Variants in GAB2 observed in about 807,000 individuals in gnomAD.
The protein encoded by GAB2 is GRB2 associated binding protein 2.
Under a neutral mutation model 65.5 loss-of-function variants are expected in GAB2, and 26 were observed. That is an observed-to-expected ratio of 0.40 (90% CI 0.29 to 0.55). The LOEUF (loss-of-function observed/expected upper bound fraction) is 0.55. Ranked by LOEUF, GAB2 falls within the 20% of genes least tolerant of loss-of-function variation. The pLI is 0.53. For missense variants in GAB2, 884 were observed against 875.8 expected (o/e 1.01, Z -0.12); for synonymous variants, 321 against 329.6 (o/e 0.97, Z 0.28).
chr11:78,270,077 T>A (rs1004408817), intron 2 of GAB2, among the ~76,000 whole-genome samples: 1 of 152,216 alleles, frequency 6.6e-6, no homozygotes, highest in African/African-American at 2.4e-5. Flanking sequence ...CAGATAGCAC[T>A]GAGCACTTTG....
intron 1 of GAB2, among the ~76,000 whole-genome samples, chr11:78,343,392 G>A (rs1856130688): frequency 6.9e-6 from 1 of 144,126 alleles, no homozygotes; most frequent in Non-Finnish European, 1.5e-5. Flanking sequence ...GAGAGGGAGA[G>A]AGGGAGGGAG....
intron 1 of GAB2, among the ~76,000 whole-genome samples, chr11:78,336,571 G>A (rs1409394972): frequency 1.3e-5 from 2 of 151,166 alleles, no homozygotes; most frequent in Admixed American, 6.6e-5. Flanking sequence ...CCTGGGAGGA[G>A]GGATAATTAA....
chr11:78,229,507 T>C (rs978836964), intron 3 of GAB2, among the ~76,000 whole-genome samples: 2 of 152,076 alleles, frequency 1.3e-5, no homozygotes, highest in Non-Finnish European at 2.9e-5. Context: ...CTGGAACTCT[T>C]CTCCTCCTGC....
At chr11:78,348,061 A>G (rs150729630) in intron 1 of GAB2, among the ~76,000 whole-genome samples, 164 of 152,304 alleles carry the variant, frequency 1.1e-3, no homozygotes, top group African/African-American at 3.8e-3. Flanking sequence ...GATTAAGTGG[A>G]AGTGGATCAT....
At chr11:78,358,439 T>TATAATAGTAATA (rs1554993730) in intron 1 of GAB2, among the ~76,000 whole-genome samples, 8 of 117,314 alleles carry the variant, frequency 6.8e-5, no homozygotes, top group African/African-American at 2.6e-4. Context: ...GAACTTAAAA[T>TATAATAGTAATA]ATAATAATAA....
At chr11:78,387,674 T>A (rs937436991) in intron 1 of GAB2, among the ~76,000 whole-genome samples, 1 of 152,166 alleles carries the variant, frequency 6.6e-6, no homozygotes, top group African/African-American at 2.4e-5. Flanking sequence ...GGAATCACAA[T>A]GGACTAAGGA....
rs1007892100 is a variant in GAB2, at chr11:78,216,644, G to C, written c.*2628C>G. The stretch of plus-strand genomic sequence containing the variant: ...ATAGGGGGCTGGAAGGAAGCCTCCT[G>C]GGAGATTCGATTTGAACACCTCAGT... On this transcript the variant is annotated 3_prime_UTR_variant, in exon 10 of 10. Coordinates refer to ENST00000361507, the MANE Select transcript of GAB2 (RefSeq NM_080491.3). 6.6e-6 allele frequency: 1 copy of C among 152,082 alleles called. No individual in the cohort carries two copies. The highest frequency in any genetic ancestry group is 1.5e-5 in the Non-Finnish European group (1 of 68,046). The allele number at this position is 152,082 out of a possible 1,614,324, so 9.4% of individuals were successfully genotyped here. A position where few individuals can be genotyped will look rare whatever the true frequency, so the allele number is the denominator to read the frequency against.
At chr11:78,337,604 T>C (rs572808565) in intron 1 of GAB2, among the ~76,000 whole-genome samples, 1 of 152,136 alleles carries the variant, frequency 6.6e-6, no homozygotes, top group Non-Finnish European at 1.5e-5. Context: ...ATAAAAGTCT[T>C]CCCTCATAGA....
At position 78,267,857 on chromosome 11, in the gene GAB2, C is replaced by CAAAAA. The variant is rs751533828; in HGVS notation, c.376+12739_376+12743dup. 3.7e-3 allele frequency among the ~76,000 whole-genome samples: 121 copies of CAAAAA among 32,756 alleles called. 8 individuals carry two copies. The highest frequency in any genetic ancestry group is 9.3e-3 in the African/African-American group (96 of 10,308). The allele number at this position is 32,756 out of a possible 152,430, so 21.5% of individuals were successfully genotyped here. A position where few individuals can be genotyped will look rare whatever the true frequency, so the allele number is the denominator to read the frequency against. Reference sequence around the variant, plus strand: ...TGGGTGATAGAGCGAGACTCCGTCTCAAAAAAAAAAAAAAAAAAAAAAAAG... The same window carrying CAAAAA: ...TGGGTGATAGAGCGAGACTCCGTCTCAAAAAAAAAAAAAAAAAAAAAAAAAAAAAG... On this transcript the variant is annotated intron_variant, in intron 2 of 9. Transcript: ENST00000361507.
In GAB2 at chr11:78,217,321, G is replaced by GA. The variant is rs2134443837; in HGVS notation, c.*1950dup. 6.6e-6 allele frequency: 1 copy of GA among 152,338 alleles called. No individual in the cohort carries two copies. Among genetic ancestry groups the GA allele is most frequent in the Non-Finnish European group, 1.5e-5 (1 of 68,052 alleles). 9.4% of individuals were successfully genotyped at this position (152,338 alleles called of 1,614,324 possible). A position where few individuals can be genotyped will look rare whatever the true frequency, so the allele number is the denominator to read the frequency against. On this transcript the variant is annotated 3_prime_UTR_variant, in exon 10 of 10. Coordinates refer to ENST00000361507, the MANE Select transcript of GAB2 (RefSeq NM_080491.3). ...CTTGTGTCCTTAGTGCTTAACCCCA[G>GA]AAACTGGAGACAGCAGCCATTAATA...
chr11:78,323,718 A>C (rs1452538088), intron 1 of GAB2, among the ~76,000 whole-genome samples: 1 of 151,782 alleles, frequency 6.6e-6, no homozygotes, highest in Non-Finnish European at 1.5e-5. Flanking sequence ...GACAGGATCA[A>C]TAGAAGCCCA....
chr11:78,263,459 C>T (rs1457669152), intron 2 of GAB2, among the ~76,000 whole-genome samples: 1 of 151,858 alleles, frequency 6.6e-6, no homozygotes, highest in South Asian at 2.1e-4. Context: ...CGGTGAAACC[C>T]CATCTCTACT....
chr11:78,336,669 G>A (rs1021653011), intron 1 of GAB2, among the ~76,000 whole-genome samples: 3 of 151,990 alleles, frequency 2.0e-5, no homozygotes, highest in Non-Finnish European at 2.9e-5. Context: ...GTCTATGGAT[G>A]TCTACACATT....
intron 1 of GAB2, among the ~76,000 whole-genome samples, chr11:78,390,293 C>A (rs1355082001): frequency 6.6e-6 from 1 of 152,186 alleles, no homozygotes. Context: ...ACTAGGTCAA[C>A]CCAACTTATA....
chr11:78,329,665 G>C (rs1440936410), intron 1 of GAB2, among the ~76,000 whole-genome samples: 1 of 152,210 alleles, frequency 6.6e-6, no homozygotes, highest in Admixed American at 6.5e-5. Context: ...GAAATGTGAA[G>C]ATTTCCCACA....
rs1864246516 is a variant in GAB2, at chr11:78,218,207, A to T, written c.*1065T>A. 6.5e-6 allele frequency: 1 copy of T among 153,866 alleles called. No homozygotes were observed. Among genetic ancestry groups the T allele is most frequent in the Non-Finnish European group, 1.4e-5 (1 of 69,216 alleles). 9.5% of individuals were successfully genotyped at this position (153,866 alleles called of 1,614,324 possible). Reference sequence around the variant, plus strand: ...AACTCACTTCCCGACCCCACTGCAGAGTCCCCTGCACTGCCCTGTGCCTCT... The same window carrying T: ...AACTCACTTCCCGACCCCACTGCAGTGTCCCCTGCACTGCCCTGTGCCTCT... On this transcript the variant is annotated 3_prime_UTR_variant, in exon 10 of 10. Transcript: ENST00000361507.
chr11:78,261,369 G>C (rs1398345836), intron 2 of GAB2, among the ~76,000 whole-genome samples: 3 of 152,146 alleles, frequency 2.0e-5, no homozygotes, highest in African/African-American at 7.2e-5. Context: ...AGTTCTGTTG[G>C]AATCTTTCCT....
chr11:78,227,613 A>G (rs572591796), intron 3 of GAB2, among the ~76,000 whole-genome samples: 5 of 138,796 alleles, frequency 3.6e-5, no homozygotes, highest in African/African-American at 1.1e-4. Context: ...TGGGAACACA[A>G]TAAGACTCCA....
At chr11:78,364,280 T>C (rs371210118) in intron 1 of GAB2, among the ~76,000 whole-genome samples, 8 of 152,260 alleles carry the variant, frequency 5.3e-5, no homozygotes, top group East Asian at 3.9e-4. Flanking sequence ...ACTGAGAATA[T>C]AGGCATGAAC....
Sources: allele counts gnomAD v4.1 joint callset (sites outside exome capture counted in the v4.1 genomes callset), GRCh38; gene constraint gnomAD v4.1.1; transcripts MANE v1.5; gene names NCBI Gene and HGNC (gene_info 2026-07-23, HGNC 2026-07-21).